PKHD1: variants seen among roughly 807,000 people sequenced by gnomAD.
The protein encoded by PKHD1 is fibrocystin.
In PKHD1, 291 loss-of-function variants were observed where a neutral mutation model predicts 412.0. The ratio of observed to expected loss-of-function variants is 0.71; its 90% CI spans 0.64 to 0.78. The LOEUF is 0.78. PKHD1 is among the 30% of genes least tolerant of loss of function. The pLI is 0.00. For synonymous variants in PKHD1, 1,777 were observed against 1,821.5 expected, an observed-to-expected ratio of 0.98 and a Z score of 0.62; for missense variants, 4,825 against 4,950.7, an observed-to-expected ratio of 0.97 and a Z score of 0.76.
chr6:51,699,332 T>C (rs965479551), intron 60 of PKHD1, among the ~76,000 whole-genome samples: 3 of 152,194 alleles, frequency 2.0e-5, no homozygotes, highest in African/African-American at 4.8e-5. Context: ...GTTGCAATCA[T>C]ACAGGATGTG....
At chr6:51,776,216 A>G (rs1791000480) in intron 53 of PKHD1, among the ~76,000 whole-genome samples, 1 of 152,030 alleles carries the variant, frequency 6.6e-6, no homozygotes, top group South Asian at 2.1e-4. Flanking sequence ...TTGACCAATG[A>G]AATTTGTGTG....
intron 63 of PKHD1, among the ~76,000 whole-genome samples, chr6:51,644,233 A>C (rs555996795): frequency 4.6e-5 from 7 of 152,226 alleles, no homozygotes; most frequent in Non-Finnish European, 8.8e-5. Flanking sequence ...AGATTAATTC[A>C]TTGAAAACAA....
intron 34 of PKHD1, among the ~76,000 whole-genome samples, chr6:52,013,223 C>T (rs1268623954): frequency 6.6e-6 from 1 of 152,136 alleles, no homozygotes. Context: ...TCTTCGCTGG[C>T]AGAGGTACAA....
At chr6:51,845,002 T>C (rs1329867808) in intron 50 of PKHD1, among the ~76,000 whole-genome samples, 1 of 152,232 alleles carries the variant, frequency 6.6e-6, no homozygotes. Flanking sequence ...TTTATGTAAA[T>C]TATCCCAGTC....
At chr6:51,945,699 T>C (rs918771515) in intron 36 of PKHD1, among the ~76,000 whole-genome samples, 4 of 152,180 alleles carry the variant, frequency 2.6e-5, no homozygotes, top group African/African-American at 9.7e-5. Context: ...AATCTGTAGA[T>C]ATATTGTCTA....
rs1306731805 is a variant in PKHD1, at chr6:51,717,164, C to T, written c.10156+27221G>A. Among the ~76,000 whole-genome samples the T allele has an allele frequency of 2.6e-5, 4 of 152,360 alleles. No individual in the cohort carries two copies. In the East Asian group the frequency reaches 5.8e-4, roughly 22 times the overall value. ...CAATGGCTCACGCCTGTAATCCCAA[C>T]ATTTTGGGAGGCCAAGGCAGGCGGA... is the stretch of plus-strand genomic sequence containing the variant. On this transcript the variant is annotated intron_variant, in intron 60 of 66. Transcript: ENST00000371117.
At chr6:51,937,302 T>C (rs1787658019) in intron 36 of PKHD1, among the ~76,000 whole-genome samples, 1 of 152,178 alleles carries the variant, frequency 6.6e-6, no homozygotes, top group African/African-American at 2.4e-5. Context: ...ATGTCTTACC[T>C]CTCCCTAAAA....
intron 52 of PKHD1, among the ~76,000 whole-genome samples, chr6:51,806,016 G>T (rs564287804): frequency 6.6e-6 from 1 of 150,688 alleles, no homozygotes; most frequent in East Asian, 2.0e-4. Context: ...TAACAGGATG[G>T]CTGGGTCCAG....
At chr6:51,813,405 A>C (rs1764987834) in intron 52 of PKHD1, among the ~76,000 whole-genome samples, 1 of 152,032 alleles carries the variant, frequency 6.6e-6, no homozygotes, top group Non-Finnish European at 1.5e-5. Flanking sequence ...TTATCACCAT[A>C]CTCTGTAATA....
At chr6:52,049,488 A>G (rs898111217) in intron 22 of PKHD1, among the ~76,000 whole-genome samples, 4 of 152,110 alleles carry the variant, frequency 2.6e-5, no homozygotes, top group African/African-American at 9.7e-5. Context: ...CTACACCCAC[A>G]TATACATATA....
At position 51,801,639 on chromosome 6, in the gene PKHD1, T is replaced by TTGTGTGTGTGTG. The variant is rs140197286; in HGVS notation, c.8303-10278_8303-10267dup. On this transcript the variant is annotated intron_variant, in intron 52 of 66. Coordinates refer to ENST00000371117, the MANE Select transcript of PKHD1 (RefSeq NM_138694.4). ...GAAGAAAAACCATCTGCTGGCCTGATTGTGTGTGTGTGTGTGAGAGAGAGA... is the reference window on the plus strand; with the variant it reads ...GAAGAAAAACCATCTGCTGGCCTGATTGTGTGTGTGTGTGTGTGTGTGTGTGTGAGAGAGAGA... Among the ~76,000 whole-genome samples the TTGTGTGTGTGTG allele has an allele frequency of 5.0e-5, 6 of 120,206 alleles. No homozygotes were observed. In the South Asian group the frequency reaches 1.3e-3, roughly 25 times the overall value. The allele number at this position is 120,206 out of a possible 152,430, so 78.9% of individuals were successfully genotyped here. A position where few individuals can be genotyped will look rare whatever the true frequency, so the allele number is the denominator to read the frequency against.
intron 64 of PKHD1, among the ~76,000 whole-genome samples, chr6:51,633,002 T>A: frequency 6.6e-6 from 1 of 152,144 alleles, no homozygotes. Flanking sequence ...AGACCAACCT[T>A]CCATACCAAT....
At chr6:51,731,771 CAGCTACATGT>C (rs2150893656) in intron 60 of PKHD1, among the ~76,000 whole-genome samples, 1 of 152,224 alleles carries the variant, frequency 6.6e-6, no homozygotes, top group African/African-American at 2.4e-5. Flanking sequence ...ATGATGAATG[CAGCTACATGT>C]AGCTATTTAG....
At chr6:51,652,181 G>A (rs1771085292) in intron 61 of PKHD1, among the ~76,000 whole-genome samples, 1 of 152,038 alleles carries the variant, frequency 6.6e-6, no homozygotes, top group Admixed American at 6.6e-5. Flanking sequence ...AGTTAGGTAT[G>A]TGAGAGATTT....
At position 51,659,641 on chromosome 6, in the gene PKHD1, G is replaced by A; in HGVS notation, c.10485C>T (p.Leu3495=). ...LLGNKSTSKL[L]LAVFYHELQS... ...GGAGCTCATGGTAGAATACAGCCAAGAGAAGCTTGGAGGTACTTTTGTTCC... is the reference window on the plus strand; with the variant it reads ...GGAGCTCATGGTAGAATACAGCCAAAAGAAGCTTGGAGGTACTTTTGTTCC... The change falls in exon 61 of 67, where the codon CTC becomes CTT. Residue 3495 remains leucine, a synonymous_variant. Coordinates refer to ENST00000371117, the MANE Select transcript of PKHD1 (RefSeq NM_138694.4). 1 of 1,613,750 alleles carries A rather than the reference G, an allele frequency of 6.2e-7. No individual in the cohort carries two copies. The highest frequency in any genetic ancestry group is 2.2e-5 in the East Asian group (1 of 44,834).
At chr6:51,908,816 C>T (rs1167086832) in intron 40 of PKHD1, among the ~76,000 whole-genome samples, 1 of 152,030 alleles carries the variant, frequency 6.6e-6, no homozygotes, top group African/African-American at 2.4e-5. Context: ...GCAAAAGATT[C>T]CTCTGATTTA....
chr6:51,755,016 G>GA (rs767885274), intron 55 of PKHD1, 78 bp from the exon 56 acceptor site: 5 of 1,211,470 alleles, frequency 4.1e-6, no homozygotes, highest in Non-Finnish European at 6.1e-6. Flanking sequence ...GCAAGAAAAG[G>GA]AAATCCACTG....
intron 3 of PKHD1, among the ~76,000 whole-genome samples, chr6:52,082,853 T>C (rs1182917909): frequency 2.6e-5 from 4 of 152,202 alleles, no homozygotes; most frequent in Admixed American, 6.5e-5. Flanking sequence ...GGACTGTCTT[T>C]AAGGAAGATA....
chr6:51,667,777 TC>T (rs1341567623), intron 60 of PKHD1, among the ~76,000 whole-genome samples: 1 of 149,736 alleles, frequency 6.7e-6, no homozygotes, highest in African/African-American at 2.5e-5. Context: ...TAGCCAGTTT[TC>T]CCAGCACCAT....
Sources: allele counts gnomAD v4.1 joint callset (sites outside exome capture counted in the v4.1 genomes callset), GRCh38; gene constraint gnomAD v4.1.1; transcripts MANE v1.5; gene names NCBI Gene and HGNC (gene_info 2026-07-23, HGNC 2026-07-21).